Variants in OTOGL observed in about 807,000 individuals in gnomAD.
The protein encoded by OTOGL is otogelin like.
In OTOGL, 285 loss-of-function variants were observed where a neutral mutation model predicts 318.5. The observed-to-expected ratio is 0.89, with a 90% CI of 0.81 to 0.99. The LOEUF is 0.99. OTOGL is among the 50% of genes least tolerant of loss of function. The probability of loss-of-function intolerance (pLI) is 0.00; values close to 1 mark genes in which losing one functional copy is unlikely to be tolerated. For synonymous variants in OTOGL, 987 were observed against 936.5 expected (o/e 1.05, Z -0.99); for missense variants, 2,899 against 2,845.6 (o/e 1.02, Z -0.43).
intron 44 of OTOGL, among the ~76,000 whole-genome samples, chr12:80,347,750 A>G (rs978002579): frequency 3.3e-5 from 5 of 152,078 alleles, no homozygotes; most frequent in African/African-American, 1.2e-4. Flanking sequence ...CAGTGTAAAC[A>G]TGTTCCTCTT....
At chr12:80,158,816 C>T (rs546132333) in intron 1 of OTOGL, among the ~76,000 whole-genome samples, 102 of 152,116 alleles carry the variant, frequency 6.7e-4, no homozygotes, top group African/African-American at 2.4e-3. Context: ...GATTTGGATG[C>T]TCTTTATTTC....
intron 34 of OTOGL, among the ~76,000 whole-genome samples, chr12:80,323,129 CACACACACACACACACACAT>C (rs1396729262): frequency 2.5e-4 from 32 of 130,600 alleles, no homozygotes; most frequent in East Asian, 1.8e-3. Context: ...CACACACACA[CACACACACACACACACACAT>C]ATATAAAATA....
intron 34 of OTOGL, among the ~76,000 whole-genome samples, chr12:80,322,816 C>T (rs571238705): frequency 2.0e-5 from 3 of 152,234 alleles, no homozygotes; most frequent in Non-Finnish European, 4.4e-5. Flanking sequence ...TTATCTGGTA[C>T]AAGGCAACGT....
chr12:80,203,380 C>T (rs1241254242), intron 1 of OTOGL, among the ~76,000 whole-genome samples: 2 of 151,786 alleles, frequency 1.3e-5, no homozygotes, highest in African/African-American at 4.8e-5. Context: ...CACTTATAAT[C>T]CAGGATAATC....
At chr12:80,175,908 A>C (rs1226033327) in intron 1 of OTOGL, among the ~76,000 whole-genome samples, 1 of 152,232 alleles carries the variant, frequency 6.6e-6, no homozygotes, top group African/African-American at 2.4e-5. Flanking sequence ...GTTGACTTGA[A>C]GACAGAAAAC....
At chr12:80,345,970 C>T (rs1384389663) in intron 44 of OTOGL, among the ~76,000 whole-genome samples, 1 of 152,156 alleles carries the variant, frequency 6.6e-6, no homozygotes, top group Non-Finnish European at 1.5e-5. Context: ...TTTTTACCCA[C>T]ATAGTTCTTG....
intron 44 of OTOGL, among the ~76,000 whole-genome samples, chr12:80,348,189 C>G (rs1889321332): frequency 6.6e-6 from 1 of 152,116 alleles, no homozygotes; most frequent in Non-Finnish European, 1.5e-5. Flanking sequence ...GTCATGAAGT[C>G]TTTGCCCATG....
At chr12:80,212,070 A>G in intron 4 of OTOGL, 73 bp downstream of exon 4, 3 of 1,387,698 alleles carry the variant, frequency 2.2e-6, no homozygotes, top group South Asian at 2.5e-5. Context: ...TGTCACTTCA[A>G]CAATGAGACC....
chr12:80,195,002 T>TA (rs755377106), intron 1 of OTOGL, among the ~76,000 whole-genome samples: 15 of 152,182 alleles, frequency 9.9e-5, no homozygotes, highest in Non-Finnish European at 2.2e-4. Context: ...AGCCTCATTT[T>TA]AAAAAAATGT....
In OTOGL at chr12:80,150,228, T is replaced by C. The variant is rs112708285; in HGVS notation, c.-20+50623T>C. ...GAATATTTTTTTTCTCTTTACCTCA[T>C]TGAGCCAAACTTCTTTCAAGAATTA... is the stretch of plus-strand genomic sequence containing the variant. On this transcript the variant is annotated intron_variant, in intron 1 of 58. Coordinates refer to ENST00000547103, the MANE Select transcript of OTOGL (RefSeq NM_001378609.3). Among the ~76,000 whole-genome samples the C allele has an allele frequency of 3.1e-3, 465 of 152,360 alleles. 1 individual carries two copies. The highest frequency in any genetic ancestry group is 0.01 in the Middle Eastern group (3 of 294).
intron 1 of OTOGL, among the ~76,000 whole-genome samples, chr12:80,147,064 C>T (rs1872430724): frequency 1.3e-5 from 2 of 150,678 alleles, no homozygotes; most frequent in Non-Finnish European, 1.5e-5. Flanking sequence ...TTCAGTTCTG[C>T]TCTGATTTTA....
In OTOGL at chr12:80,217,580, C is replaced by T; in HGVS notation, c.169-18C>T. 1 of 1,488,022 alleles carries T rather than the reference C, an allele frequency of 6.7e-7. No individual in the cohort carries two copies. Among genetic ancestry groups the T allele is most frequent in the Non-Finnish European group, 9.1e-7 (1 of 1,096,696 alleles). 92.2% of individuals were successfully genotyped at this position (1,488,022 alleles called of 1,614,324 possible). A position where few individuals can be genotyped will look rare whatever the true frequency, so the allele number is the denominator to read the frequency against. On this transcript the variant is annotated intron_variant, in intron 4 of 58. Transcript: ENST00000547103. ...AAATAATTTAACTGTATTGCATTCTCATTTCTTTCTTTCAAAGTTTGAAGC... is the reference window on the plus strand; with the variant it reads ...AAATAATTTAACTGTATTGCATTCTTATTTCTTTCTTTCAAAGTTTGAAGC...
At chr12:80,187,448 A>G (rs1430818184) in intron 1 of OTOGL, among the ~76,000 whole-genome samples, 2 of 152,150 alleles carry the variant, frequency 1.3e-5, no homozygotes, top group African/African-American at 4.8e-5. Context: ...AGAGTAATAC[A>G]TTTTTAAGAA....
intron 1 of OTOGL, among the ~76,000 whole-genome samples, chr12:80,128,110 G>A (rs944986586): frequency 1.3e-5 from 2 of 152,134 alleles, no homozygotes; most frequent in Admixed American, 1.3e-4. Context: ...GAGGAGGAGA[G>A]GAGCTCTGAT....
chr12:80,223,804 A>T (rs949467479), intron 7 of OTOGL, among the ~76,000 whole-genome samples: 1 of 151,722 alleles, frequency 6.6e-6, no homozygotes, highest in Non-Finnish European at 1.5e-5. Context: ...AATTTGTTTG[A>T]GTTCCTTGTA....
At chr12:80,346,110 G>C (rs571941399) in intron 44 of OTOGL, among the ~76,000 whole-genome samples, 10 of 152,268 alleles carry the variant, frequency 6.6e-5, no homozygotes, top group Non-Finnish European at 1.3e-4. Context: ...CAATACCAAA[G>C]TGCCCATTAA....
At chr12:80,327,491 C>A (rs959788161) in intron 35 of OTOGL, among the ~76,000 whole-genome samples, 8 of 152,148 alleles carry the variant, frequency 5.3e-5, no homozygotes, top group African/African-American at 1.9e-4. Flanking sequence ...CTCAAAAGAA[C>A]TGCAACCATG....
intron 57 of OTOGL, among the ~76,000 whole-genome samples, chr12:80,375,910 AAG>A (rs2138121055): frequency 6.6e-6 from 1 of 152,184 alleles, no homozygotes; most frequent in South Asian, 2.1e-4. Flanking sequence ...GGTTAGTGAA[AAG>A]AGATAGAACC....
chr12:80,346,606 T>C (rs1889212053), intron 44 of OTOGL, among the ~76,000 whole-genome samples: 1 of 152,188 alleles, frequency 6.6e-6, no homozygotes, highest in Non-Finnish European at 1.5e-5. Context: ...GTCATCCAGA[T>C]TAAAAAACCA....
Sources: allele counts gnomAD v4.1 joint callset (sites outside exome capture counted in the v4.1 genomes callset), GRCh38; gene constraint gnomAD v4.1.1; transcripts MANE v1.5; gene names NCBI Gene and HGNC (gene_info 2026-07-23, HGNC 2026-07-21).